ERLIN1: variants seen among roughly 807,000 people sequenced by gnomAD.
ERLIN1 encodes ER lipid raft associated 1.
A neutral mutation model predicts 46.9 loss-of-function variants in ERLIN1; 24 were observed. That is an observed-to-expected ratio of 0.51 (90% CI 0.37 to 0.72). The LOEUF is 0.72. ERLIN1 is among the 30% of genes least tolerant of loss of function. The pLI, the probability that ERLIN1 is intolerant of heterozygous loss-of-function variation, is 0.00. For synonymous variants in ERLIN1, 158 were observed against 143.2 expected, an observed-to-expected ratio of 1.10 and a Z score of -0.74; for missense variants, 293 against 417.9, an observed-to-expected ratio of 0.70 and a Z score of 2.61.
Position 100,183,770 on chromosome 10 carries a change from A to G in ERLIN1, c.181T>C (p.Phe61Leu), listed in dbSNP as rs755560822. 3 of 1,612,700 alleles carry G rather than the reference A, an allele frequency of 1.9e-6. No homozygotes were observed. The highest frequency in any genetic ancestry group is 2.5e-6 in the Non-Finnish European group (3 of 1,178,768). Residue 61 changes from phenylalanine to leucine, a missense_variant, in exon 2 of 11, where the codon TTC becomes CTC. This residue lies in a region of ERLIN1 where 76 missense variants were observed against 77.0 expected (regional missense o/e 0.99). Coordinates refer to ENST00000421367, the MANE Select transcript of ERLIN1 (RefSeq NM_006459.4). ...GAATCACTCACCTGCACAGATCTGAACGTAGTAATGAAAGGCAACATGATA... is the reference window on the plus strand; with the variant it reads ...GAATCACTCACCTGCACAGATCTGAGCGTAGTAATGAAAGGCAACATGATA... ...YHIMLPFITTFRSVQTTLQTD... is the reference protein window; with the variant it reads ...YHIMLPFITTLRSVQTTLQTD...
rs1473680618 is a variant in ERLIN1, at chr10:100,184,471, G to A, written c.114-634C>T. Among the ~76,000 whole-genome samples, 6 of 152,178 alleles carry A rather than the reference G, an allele frequency of 3.9e-5. No individual in the cohort carries two copies. The East Asian group carries it at 1.2e-3, about 29-fold the overall frequency. On this transcript the variant is annotated intron_variant, in intron 1 of 10. Transcript: ENST00000421367. ...AGCAAGCCCTGGAAATTATAAAAAG[G>A]AGGCATTTGGGGAGCAAAGAAAACA...
chr10:100,167,710 C>T (rs187239919), intron 6 of ERLIN1, among the ~76,000 whole-genome samples: 1 of 152,146 alleles, frequency 6.6e-6, no homozygotes, highest in Admixed American at 6.5e-5. Context: ...TTACAAAGGT[C>T]GTTAGATACT....
chr10:100,184,399 T>C (rs935313475), intron 1 of ERLIN1, among the ~76,000 whole-genome samples: 4 of 152,062 alleles, frequency 2.6e-5, no homozygotes, highest in Admixed American at 2.0e-4. Flanking sequence ...TACAAATAAA[T>C]AGCATAAGGG....
chr10:100,170,625 T>C (rs371767970), intron 6 of ERLIN1, among the ~76,000 whole-genome samples: 2 of 152,272 alleles, frequency 1.3e-5, no homozygotes. Context: ...ACAGTGAAGA[T>C]GGAGGTGTGG....
chr10:100,163,467 A>G (rs1843467654), intron 8 of ERLIN1, among the ~76,000 whole-genome samples: 1 of 151,890 alleles, frequency 6.6e-6, no homozygotes, highest in African/African-American at 2.4e-5. Flanking sequence ...TAATTGAATT[A>G]TTTAATTAAA....
intron 2 of ERLIN1, 124 bp from the exon 3 acceptor site, chr10:100,179,371 G>T: frequency 3.3e-6 from 2 of 598,200 alleles, no homozygotes; most frequent in Non-Finnish European, 6.0e-6. Context: ...CACAATTTCA[G>T]TTCCCAAAGA....
chr10:100,164,104 C>T lies in ERLIN1; in HGVS notation c.564-9G>A. On this transcript the variant is annotated splice_polypyrimidine_tract_variant and intron_variant, in intron 7 of 10. Transcript: ENST00000421367. ...TTGTCTTCTCAGCCTCCCTGTGAAGCAAAATGTTATAAAAATTAGAAATGA... is the reference window on the plus strand; with the variant it reads ...TTGTCTTCTCAGCCTCCCTGTGAAGTAAAATGTTATAAAAATTAGAAATGA... 6.3e-7 allele frequency: 1 copy of T among 1,581,750 alleles called. No homozygotes were observed.
In ERLIN1 at chr10:100,185,764, C is replaced by T. The variant is rs1002437782; in HGVS notation, c.-138G>A. 3.0e-6 allele frequency: 2 copies of T among 668,190 alleles called. No homozygotes were observed. The highest frequency in any genetic ancestry group is 3.6e-5 in the African/African-American group (2 of 55,302). 41.4% of individuals were successfully genotyped at this position (668,190 alleles called of 1,614,324 possible). The stretch of plus-strand genomic sequence containing the variant: ...GAGCCGGGGAGTCCAGTACCCCTGT[C>T]CCCTCATTCTTCCCTTCTGGCTGAG... On this transcript the variant is annotated 5_prime_UTR_variant, in exon 1 of 11. Transcript: ENST00000421367.
At chr10:100,182,190 ATTTTTTTT>A (rs765187061) in intron 2 of ERLIN1, among the ~76,000 whole-genome samples, 1 of 127,128 alleles carries the variant, frequency 7.9e-6, no homozygotes, top group African/African-American at 2.9e-5. Flanking sequence ...TAGAGCCTTG[ATTTTTTTT>A]TTTTTTTTTT....
chr10:100,162,623 T>C (rs901402088), intron 8 of ERLIN1, among the ~76,000 whole-genome samples: 1 of 152,190 alleles, frequency 6.6e-6, no homozygotes, highest in Non-Finnish European at 1.5e-5. Context: ...TGTGTGTGTA[T>C]TTCAATTTAT....
At chr10:100,166,842 A>G (rs1285252663) in intron 7 of ERLIN1, among the ~76,000 whole-genome samples, 2 of 152,204 alleles carry the variant, frequency 1.3e-5, no homozygotes, top group Non-Finnish European at 2.9e-5. Flanking sequence ...AAAAGAGAAG[A>G]CTACCAGGAG....
chr10:100,169,553 G>A (rs1241566159), intron 6 of ERLIN1, among the ~76,000 whole-genome samples: 2 of 150,992 alleles, frequency 1.3e-5, no homozygotes, highest in African/African-American at 4.9e-5. Context: ...AAAATTACTA[G>A]AAGGCAGTGA....
In ERLIN1 at chr10:100,176,060, G is replaced by C. The variant is rs373926474; in HGVS notation, c.315C>G (p.Ile105Met). ...NMLAPYAVFD[I>M]VRNYTADYDK... is the part of the protein sequence containing the mutation. ...CATAATCTGCAGTATAGTTCCTCAC[G>C]ATATCAAACACTGAAGGAGAGGTAC... is the stretch of plus-strand genomic sequence containing the variant. The change falls in exon 5 of 11, where the codon ATC (isoleucine) becomes ATG (methionine). Residue 105 changes from isoleucine (I) to methionine (M), a missense_variant. Transcript: ENST00000421367. 3 of 1,611,700 alleles carry C rather than the reference G, an allele frequency of 1.9e-6. No individual in the cohort carries two copies. The highest frequency in any genetic ancestry group is 8.5e-7 in the Non-Finnish European group (1 of 1,178,694).
At chr10:100,167,758 G>A (rs1331917900) in intron 6 of ERLIN1, among the ~76,000 whole-genome samples, 4 of 152,160 alleles carry the variant, frequency 2.6e-5, no homozygotes, top group East Asian at 3.8e-4. Flanking sequence ...CAAAGAAGCC[G>A]GGAAGGCAAA....
chr10:100,170,171 A>C (rs112081480), intron 6 of ERLIN1, among the ~76,000 whole-genome samples: 8 of 152,242 alleles, frequency 5.3e-5, no homozygotes, highest in Middle Eastern at 3.2e-3. Flanking sequence ...GCCAGATTTT[A>C]AAATAAAAAG....
At chr10:100,162,649 T>C (rs1028316610) in intron 8 of ERLIN1, among the ~76,000 whole-genome samples, 6 of 152,276 alleles carry the variant, frequency 3.9e-5, no homozygotes, top group African/African-American at 1.4e-4. Context: ...ACCAATAAAT[T>C]GTAAACTATA....
At chr10:100,176,132 C>T (rs1275497064) in intron 4 of ERLIN1, 62 bp from the exon 5 acceptor site, 3 of 1,491,714 alleles carry the variant, frequency 2.0e-6, no homozygotes, top group African/African-American at 1.4e-5. Context: ...CCTTCAAATT[C>T]AGCCAGGGTA....
At chr10:100,162,339 C>T (rs1843401689) in intron 8 of ERLIN1, among the ~76,000 whole-genome samples, 1 of 152,106 alleles carries the variant, frequency 6.6e-6, no homozygotes, top group African/African-American at 2.4e-5. Flanking sequence ...TATGTGATAC[C>T]ATGTCTTCCA....
In ERLIN1 at chr10:100,151,762, C is replaced by G; in HGVS notation, c.*369G>C. On this transcript the variant is annotated 3_prime_UTR_variant, in exon 11 of 11. Transcript: ENST00000421367. ...ATCTCTTGAATGGTGGCTGAGCATA[C>G]ATTTCCCCGGGGGACGAATGTAAAC... The G allele has an allele frequency of 1.2e-5, 4 of 325,868 alleles. No homozygotes were observed. The highest frequency in any genetic ancestry group is 7.9e-5 in the South Asian group (3 of 37,802). 20.2% of individuals were successfully genotyped at this position (325,868 alleles called of 1,614,324 possible).
Sources: allele counts gnomAD v4.1 joint callset (sites outside exome capture counted in the v4.1 genomes callset), GRCh38; gene constraint gnomAD v4.1.1; regional missense constraint gnomAD v4.1.1; transcripts MANE v1.5; gene names NCBI Gene and HGNC (gene_info 2026-07-23, HGNC 2026-07-21).